Variants in RAD23B observed in about 807,000 individuals in gnomAD.
The protein encoded by RAD23B is RAD23 nucleotide excision repair protein B, also known as lysine-specific demethylase RAD23B.
RAD23B carries 5 observed loss-of-function variants against 49.1 expected under a neutral mutation model. The observed-to-expected ratio is 0.10, with a 90% CI of 0.05 to 0.21. RAD23B has a LOEUF of 0.21. Ranked by LOEUF, RAD23B falls within the 10% of genes least tolerant of loss-of-function variation. RAD23B has a pLI of 1.00. For missense variants in RAD23B, 356 were observed against 486.7 expected (o/e 0.73, Z 2.53); for synonymous variants, 184 against 165.4 (o/e 1.11, Z -0.86).
intron 7 of RAD23B, 106 bp from the exon 8 acceptor site, chr9:107,323,784 C>CA (rs1350325762): frequency 5.5e-6 from 6 of 1,086,930 alleles, no homozygotes; most frequent in Non-Finnish European, 8.3e-6. Context: ...TCTGAGAACT[C>CA]AAATCATTTT....
chr9:107,306,732 C>A, intron 4 of RAD23B, 85 bp downstream of exon 4: 2 of 1,415,900 alleles, frequency 1.4e-6, no homozygotes, highest in Non-Finnish European at 1.9e-6. Flanking sequence ...TTGTTTTGAT[C>A]AAACCGACTA....
At chr9:107,284,221 C>T (rs201528509) in intron 1 of RAD23B, 12 of 985,528 alleles carry the variant, frequency 1.2e-5, no homozygotes, top group African/African-American at 1.7e-5. Context: ...TGCCCCTTTC[C>T]CCTCAGAATT....
chr9:107,331,761 A>T lies in RAD23B; in HGVS notation c.*2105A>T. 1 of 776,062 alleles carries T rather than the reference A, an allele frequency of 1.3e-6. No individual in the cohort carries two copies. The allele number at this position is 776,062 out of a possible 1,614,324, so 48.1% of individuals were successfully genotyped here. On this transcript the variant is annotated 3_prime_UTR_variant, in exon 10 of 10. Coordinates refer to ENST00000358015, the MANE Select transcript of RAD23B (RefSeq NM_002874.5). Reference sequence around the variant, plus strand: ...CATGGAGCTTGTGTCCTTGGACAACAAATCTGGATATACTAGGATTAATTA... The same window carrying T: ...CATGGAGCTTGTGTCCTTGGACAACTAATCTGGATATACTAGGATTAATTA...
At position 107,306,684 on chromosome 9, in the gene RAD23B, C is replaced by T. The variant is rs1286867377; in HGVS notation, c.497+37C>T. ...ATTCTAGGACATTCTATCTCAAAAT[C>T]CGTGTTTAACAGGAACTTCATGCAT... On this transcript the variant is annotated intron_variant, in intron 4 of 9. Coordinates refer to ENST00000358015, the MANE Select transcript of RAD23B (RefSeq NM_002874.5). The T allele has an allele frequency of 1.3e-5, 21 of 1,576,908 alleles. 1 individual carries two copies. The Admixed American group carries it at 2.9e-4, about 22-fold the overall frequency.
At chr9:107,287,829 C>T (rs1195603545) in intron 1 of RAD23B, among the ~76,000 whole-genome samples, 10 of 92,116 alleles carry the variant, frequency 1.1e-4, no homozygotes, top group Non-Finnish European at 2.0e-4. Flanking sequence ...AGCGAAACTC[C>T]ATCTCAAAAA....
intron 6 of RAD23B, 117 bp from the exon 7 acceptor site, chr9:107,321,866 T>C (rs1356423189): frequency 9.0e-7 from 1 of 1,105,742 alleles, no homozygotes. Flanking sequence ...GAAGCAGACA[T>C]CTGTTTGATG....
At chr9:107,316,093 T>G (rs985373440) in intron 5 of RAD23B, among the ~76,000 whole-genome samples, 1 of 151,868 alleles carries the variant, frequency 6.6e-6, no homozygotes, top group Admixed American at 6.6e-5. Flanking sequence ...CACTGCAATC[T>G]CCGCCTCCGG....
chr9:107,306,051 C>CTA lies in RAD23B; in HGVS notation c.229-308_229-307dup, dbSNP rs770269253. On this transcript the variant is annotated intron_variant, in intron 3 of 9. Transcript: ENST00000358015. Reference sequence around the variant, plus strand: ...TTTGGGAAAATGATACGGTTTATATCTATATATATATATATATATATCTAT... The same window carrying CTA: ...TTTGGGAAAATGATACGGTTTATATCTATATATATATATATATATATATCTAT... 5.5e-3 allele frequency among the ~76,000 whole-genome samples: 273 copies of CTA among 49,754 alleles called. 6 individuals are homozygous for CTA. The East Asian group carries it at 0.096, about 17-fold the overall frequency. 32.6% of individuals were successfully genotyped at this position (49,754 alleles called of 152,430 possible).
In RAD23B at chr9:107,331,701, A is replaced by AC. The variant is rs1554745090; in HGVS notation, c.*2046dup. ...TGAAAACTGGAAACAAAAAAAAAAA[A>AC]CAGCCTCTTCTTGGAAAGTGACAGC... is the stretch of plus-strand genomic sequence containing the variant. On this transcript the variant is annotated 3_prime_UTR_variant, in exon 10 of 10. Coordinates refer to ENST00000358015, the MANE Select transcript of RAD23B (RefSeq NM_002874.5). 1 of 770,732 alleles carries AC rather than the reference A, an allele frequency of 1.3e-6. No individual in the cohort carries two copies. The highest frequency in any genetic ancestry group is 2.4e-6 in the Non-Finnish European group (1 of 415,550). The allele number at this position is 770,732 out of a possible 1,614,324, so 47.7% of individuals were successfully genotyped here. A position where few individuals can be genotyped will look rare whatever the true frequency, so the allele number is the denominator to read the frequency against.
At chr9:107,287,608 G>T (rs113836469) in intron 1 of RAD23B, among the ~76,000 whole-genome samples, 3 of 152,160 alleles carry the variant, frequency 2.0e-5, no homozygotes, top group African/African-American at 7.2e-5. Flanking sequence ...GCCGAGGCGG[G>T]TGGATCACCT....
At chr9:107,302,720 G>T (rs1355129679) in intron 3 of RAD23B, among the ~76,000 whole-genome samples, 3 of 149,678 alleles carry the variant, frequency 2.0e-5, no homozygotes, top group Non-Finnish European at 4.4e-5. Flanking sequence ...CAGTGACGCT[G>T]TCTTGGCTCA....
chr9:107,298,263 T>C (rs1826573692), intron 1 of RAD23B, among the ~76,000 whole-genome samples: 1 of 152,296 alleles, frequency 6.6e-6, no homozygotes, highest in South Asian at 2.1e-4. Context: ...TACATTTAAA[T>C]AAGTTATTGA....
intron 1 of RAD23B, among the ~76,000 whole-genome samples, chr9:107,299,837 A>G (rs539095638): frequency 1.1e-4 from 17 of 152,226 alleles, no homozygotes; most frequent in African/African-American, 4.1e-4. Flanking sequence ...TGGGAAATAA[A>G]CCCATGAACA....
intron 2 of RAD23B, among the ~76,000 whole-genome samples, chr9:107,301,108 A>G (rs1826641857): frequency 6.6e-6 from 1 of 152,186 alleles, no homozygotes; most frequent in Admixed American, 6.5e-5. Context: ...GTAGCAAGAA[A>G]CACTAGAGAG....
At chr9:107,285,877 A>G (rs936261275) in intron 1 of RAD23B, among the ~76,000 whole-genome samples, 1 of 152,184 alleles carries the variant, frequency 6.6e-6, no homozygotes, top group Non-Finnish European at 1.5e-5. Context: ...TTTCATGACA[A>G]CTGTTTCAAT....
At chr9:107,304,810 C>CT (rs1826727108) in intron 3 of RAD23B, among the ~76,000 whole-genome samples, 1 of 152,166 alleles carries the variant, frequency 6.6e-6, no homozygotes, top group Middle Eastern at 3.2e-3. Context: ...CACCACTGAG[C>CT]TTAGGAGTGC....
intron 1 of RAD23B, among the ~76,000 whole-genome samples, chr9:107,295,525 A>T (rs10739238): frequency 0.74 from 112,812 of 152,098 alleles, 42,852 homozygotes; most frequent in African/African-American, 0.92. Context: ...TTAGACAAAG[A>T]TGAAAATAAG....
At chr9:107,302,264 T>A in intron 3 of RAD23B, 150 bp downstream of exon 3, 3 of 1,076,514 alleles carry the variant, frequency 2.8e-6, no homozygotes, top group Non-Finnish European at 3.7e-6. Context: ...TTACCTTAAG[T>A]GAAACATAAA....
chr9:107,283,541 G>T lies in RAD23B; in HGVS notation c.-89G>T. On this transcript the variant is annotated 5_prime_UTR_variant, in exon 1 of 10. Transcript: ENST00000358015. Reference sequence around the variant, plus strand: ...TTCCTCCCCAGAGCGCGAGGAGCGCGGGCGACCCCGGGGCCCCGCCAGGCC... The same window carrying T: ...TTCCTCCCCAGAGCGCGAGGAGCGCTGGCGACCCCGGGGCCCCGCCAGGCC... 1.0e-6 allele frequency: 1 copy of T among 977,496 alleles called. No individual in the cohort carries two copies. The highest frequency in any genetic ancestry group is 3.3e-5 in the East Asian group (1 of 30,324). The allele number at this position is 977,496 out of a possible 1,614,324, so 60.6% of individuals were successfully genotyped here. A position where few individuals can be genotyped will look rare whatever the true frequency, so the allele number is the denominator to read the frequency against.
Sources: allele counts gnomAD v4.1 joint callset (sites outside exome capture counted in the v4.1 genomes callset), GRCh38; gene constraint gnomAD v4.1.1; transcripts MANE v1.5; gene names NCBI Gene and HGNC (gene_info 2026-07-23, HGNC 2026-07-21).